The following CARD19 variants were observed in gnomAD, a reference collection of about 807,000 sequenced individuals.
CARD19 encodes caspase recruitment domain family member 19.
Under a neutral mutation model 24.1 loss-of-function variants are expected in CARD19, and 25 were observed. The observed-to-expected ratio is 1.04, with a 90% confidence interval of 0.76 to 1.45. The LOEUF is 1.45. Among genes scored for constraint, CARD19 ranks in the 40% most tolerant of loss-of-function variants. The probability of loss-of-function intolerance (pLI) is 0.00; values close to 1 mark genes in which losing one functional copy is unlikely to be tolerated. For synonymous variants in CARD19, 103 were observed against 104.9 expected (o/e 0.98, Z 0.11); for missense variants, 241 against 247.4 (o/e 0.97, Z 0.17).
intron 1 of CARD19, among the ~76,000 whole-genome samples, chr9:93,098,157 C>T (rs1214232771): frequency 6.6e-6 from 1 of 152,214 alleles, no homozygotes; most frequent in African/African-American, 2.4e-5. Context: ...TTTAGTTGGG[C>T]TGAGCACTGA....
intron 1 of CARD19, among the ~76,000 whole-genome samples, chr9:93,106,903 C>T (rs992872464): frequency 6.6e-6 from 1 of 152,064 alleles, no homozygotes. Flanking sequence ...CATGCCCTTC[C>T]GTCATCACTC....
intron 2 of CARD19, 74 bp from the exon 3 acceptor site, chr9:93,110,494 A>C (rs1587650691): frequency 1.2e-5 from 18 of 1,516,690 alleles, no homozygotes; most frequent in Non-Finnish European, 1.5e-5. Flanking sequence ...TGGGGGCCTG[A>C]CCTTGGTGCC....
intron 3 of CARD19, chr9:93,111,051 C>T (rs1827463068): frequency 2.9e-6 from 4 of 1,389,264 alleles, no homozygotes; most frequent in South Asian, 2.5e-5. Context: ...ACGGGGATCC[C>T]TTCATGTCTG....
chr9:93,110,556 T>G lies in CARD19; in HGVS notation c.151-12T>G, dbSNP rs1380026276. On this transcript the variant is annotated splice_polypyrimidine_tract_variant and intron_variant, in intron 2 of 5. Transcript: ENST00000375464. Reference sequence around the variant, plus strand: ...TGGCCTGATCTTCCCTGGCACCCCCTTGTACCCTCAGTTCCGGAACCCCAA... The same window carrying G: ...TGGCCTGATCTTCCCTGGCACCCCCGTGTACCCTCAGTTCCGGAACCCCAA... 6.3e-7 allele frequency: 1 copy of G among 1,586,228 alleles called. No homozygotes were observed. The highest frequency in any genetic ancestry group is 2.2e-5 in the East Asian group (1 of 44,582).
rs117047073 is a variant in CARD19 at position 93,107,731 on chromosome 9, G to A, written c.65G>A (p.Arg22His). Reference sequence around the variant, plus strand: ...ACGCCTTTCCTGACAGGCCATGGGCGCTTGAGTGAGCAGCAGGTGGACAGG... The same window carrying A: ...ACGCCTTTCCTGACAGGCCATGGGCACTTGAGTGAGCAGCAGGTGGACAGG... Reference protein sequence around the residue: ...QDTPFLTGHGRLSEQQVDRII... With the variant: ...QDTPFLTGHGHLSEQQVDRII... The change falls in exon 2 of 6, where the codon CGC becomes CAC. Residue 22 changes from arginine (R) to histidine (H), a missense_variant. By Grantham distance (29) the Arg-to-His change is conservative. Coordinates refer to ENST00000375464, the MANE Select transcript of CARD19 (RefSeq NM_032310.5). 2.1e-5 allele frequency: 34 copies of A among 1,614,218 alleles called. No homozygotes were observed. The East Asian group carries it at 6.0e-4, about 29-fold the overall frequency.
chr9:93,098,286 G>C (rs1826955129), intron 1 of CARD19, among the ~76,000 whole-genome samples: 1 of 152,232 alleles, frequency 6.6e-6, no homozygotes, highest in African/African-American at 2.4e-5. Flanking sequence ...ACAGCAAGGT[G>C]AACATGAATT....
chr9:93,111,563 G>A, intron 3 of CARD19: 2 of 1,254,910 alleles, frequency 1.6e-6, no homozygotes, highest in East Asian at 3.6e-5. Context: ...CCCTGCAGGT[G>A]GGACTGGCTC....
At chr9:93,107,101 A>G (rs994707265) in intron 1 of CARD19, among the ~76,000 whole-genome samples, 18 of 152,274 alleles carry the variant, frequency 1.2e-4, no homozygotes, top group Admixed American at 3.9e-4. Context: ...ACTGTGTCCC[A>G]TGGTGATCCC....
chr9:93,110,601 C>T lies in CARD19; in HGVS notation c.184C>T (p.Leu62Phe), dbSNP rs779558084. ...CCCCAAGGCATCCTTGCGTGTGCGG[C>T]TCTGTGACCTCCTGAGCCACCTGCA... ...RNPKASLRVR[L>F]CDLLSHLQRS... The change falls in exon 3 of 6, where the codon CTC (leucine) becomes TTC (phenylalanine). Residue 62 changes from leucine (L) to phenylalanine (F), a missense_variant. Transcript: ENST00000375464. The T allele has an allele frequency of 4.3e-6, 7 of 1,612,830 alleles. No individual in the cohort carries two copies. Among genetic ancestry groups the T allele is most frequent in the African/African-American group, 1.3e-5 (1 of 75,020 alleles).
chr9:93,107,925 A>G, intron 2 of CARD19, 109 bp downstream of exon 2: 1 of 1,377,122 alleles, frequency 7.3e-7, no homozygotes. Context: ...GGGATGACAC[A>G]CTAGGTATGT....
At chr9:93,098,665 C>T (rs535748299) in intron 1 of CARD19, among the ~76,000 whole-genome samples, 2 of 152,308 alleles carry the variant, frequency 1.3e-5, no homozygotes, top group South Asian at 2.1e-4. Context: ...TGTTTGTGTG[C>T]ACAACTCGCA....
chr9:93,107,893 C>G, intron 2 of CARD19, 77 bp downstream of exon 2: 1 of 1,572,420 alleles, frequency 6.4e-7, no homozygotes, highest in Admixed American at 1.7e-5. Flanking sequence ...AGCTGGTGAC[C>G]AGCCCTGGGT....
chr9:93,112,773 A>G (rs1184889478), intron 5 of CARD19, among the ~76,000 whole-genome samples: 1 of 152,210 alleles, frequency 6.6e-6, no homozygotes, highest in East Asian at 1.9e-4. Context: ...ACACAGGCAC[A>G]CATGGCAGGA....
In CARD19 at chr9:93,096,254, C is replaced by A. The variant is rs1587628166; in HGVS notation, c.-92C>A. ...GCGAGCACGGCCCGCGGGCGGCGTT[C>A]GCTGGAGCTGGTGGACCGGGCGGCT... On this transcript the variant is annotated 5_prime_UTR_variant, in exon 1 of 6. Transcript: ENST00000375464. The surrounding 1 kb of genome is among the most constrained non-coding windows in gnomAD (Gnocchi z 5.4). The A allele has an allele frequency of 8.4e-7, 1 of 1,196,052 alleles. No homozygotes were observed. The highest frequency in any genetic ancestry group is 1.0e-6 in the Non-Finnish European group (1 of 958,316). The allele number at this position is 1,196,052 out of a possible 1,614,324, so 74.1% of individuals were successfully genotyped here.
rs902747791 is a variant in CARD19, at chr9:93,096,533, C to T, written c.7+181C>T. ...CACCCCCGCGAAGTGGTGGGTGTCC[C>T]GGGGCTTCTACCCGGCGGGGCCGTG... On this transcript the variant is annotated intron_variant, in intron 1 of 5. Coordinates refer to ENST00000375464, the MANE Select transcript of CARD19 (RefSeq NM_032310.5). The surrounding 1 kb of genome is among the most constrained non-coding windows in gnomAD (Gnocchi z 5.4). 5.3e-5 allele frequency among the ~76,000 whole-genome samples: 8 copies of T among 152,016 alleles called. No individual in the cohort carries two copies. Among genetic ancestry groups the T allele is most frequent in the Non-Finnish European group, 1.0e-4 (7 of 67,996 alleles).
chr9:93,109,237 C>A (rs1827372648), intron 2 of CARD19: 1 of 152,238 alleles, frequency 6.6e-6, no homozygotes, highest in African/African-American at 2.4e-5. Flanking sequence ...AGAAAAAGCA[C>A]ATATTCCTTC....
chr9:93,110,302 T>G, intron 2 of CARD19: 1 of 487,540 alleles, frequency 2.1e-6, no homozygotes, highest in Non-Finnish European at 3.6e-6. Context: ...GCCAGCCCCA[T>G]GCTTTCTTTG....
Position 93,113,220 on chromosome 9 carries a change from T to C in CARD19, c.*113T>C, listed in dbSNP as rs1250247611. 5.9e-6 allele frequency: 4 copies of C among 675,506 alleles called. No homozygotes were observed. The Admixed American group carries it at 9.0e-5, about 15-fold the overall frequency. 41.8% of individuals were successfully genotyped at this position (675,506 alleles called of 1,614,324 possible). A position where few individuals can be genotyped will look rare whatever the true frequency, so the allele number is the denominator to read the frequency against. Reference sequence around the variant, plus strand: ...ATGCATATTTTTCATTATTTATAATTTGTGTAAAAAACACACCTTCACCTT... The same window carrying C: ...ATGCATATTTTTCATTATTTATAATCTGTGTAAAAAACACACCTTCACCTT... On this transcript the variant is annotated 3_prime_UTR_variant, in exon 6 of 6. Transcript: ENST00000375464.
At chr9:93,097,608 C>T (rs867047826) in intron 1 of CARD19, among the ~76,000 whole-genome samples, 3 of 152,312 alleles carry the variant, frequency 2.0e-5, no homozygotes, top group East Asian at 1.9e-4. Context: ...CATCAGAATG[C>T]GTGGGACACA....
Sources: allele counts gnomAD v4.1 joint callset (sites outside exome capture counted in the v4.1 genomes callset), GRCh38; gene constraint gnomAD v4.1.1; non-coding constraint Gnocchi (gnomAD v3.1); transcripts MANE v1.5; gene names NCBI Gene and HGNC (gene_info 2026-07-23, HGNC 2026-07-21).